Variants in BNC2 observed in about 807,000 individuals in gnomAD.
The protein encoded by BNC2 is basonuclin zinc finger protein 2, also known as zinc finger protein basonuclin-2.
In BNC2, 20 loss-of-function variants were observed where a neutral mutation model predicts 76.3. The observed-to-expected ratio is 0.26, with a 90% confidence interval of 0.18 to 0.38. The LOEUF is 0.38. Ranked by LOEUF, BNC2 falls within the 10% of genes least tolerant of loss-of-function variation. BNC2 has a pLI of 1.00. For synonymous variants in BNC2, 582 were observed against 514.8 expected (o/e 1.13, Z -1.77); for missense variants, 1,382 against 1,399.8 (o/e 0.99, Z 0.20).
chr9:16,539,750 G>GAAGGAAAGGA (rs1563830943), intron 5 of BNC2, among the ~76,000 whole-genome samples: 1 of 84,820 alleles, frequency 1.2e-5, no homozygotes, highest in Non-Finnish European at 2.3e-5. Context: ...GAAGGGAAGG[G>GAAGGAAAGGA]AAGGAAAGGA....
At chr9:16,681,222 A>G (rs1398809518) in intron 3 of BNC2, among the ~76,000 whole-genome samples, 1 of 152,224 alleles carries the variant, frequency 6.6e-6, no homozygotes, top group Non-Finnish European at 1.5e-5. Context: ...AAAATGAAAT[A>G]CTTCAATTAC....
chr9:16,722,705 A>G (rs148108842), intron 3 of BNC2, among the ~76,000 whole-genome samples: 127 of 152,314 alleles, frequency 8.3e-4, no homozygotes, highest in African/African-American at 2.8e-3. Flanking sequence ...TTGTGCACAG[A>G]TTTTTAACAT....
intron 3 of BNC2, among the ~76,000 whole-genome samples, chr9:16,586,756 G>C (rs1010207304): frequency 6.6e-6 from 1 of 152,180 alleles, no homozygotes; most frequent in African/African-American, 2.4e-5. Flanking sequence ...TGCCTCTTAA[G>C]TGGTGGGAAG....
At chr9:16,832,814 C>G (rs1022759617) in intron 1 of BNC2, among the ~76,000 whole-genome samples, 1 of 152,024 alleles carries the variant, frequency 6.6e-6, no homozygotes, top group Non-Finnish European at 1.5e-5. Context: ...CAACCCCCGC[C>G]CACTGGGTTC....
chr9:16,625,224 TA>T (rs1820961208), intron 3 of BNC2, among the ~76,000 whole-genome samples: 1 of 152,216 alleles, frequency 6.6e-6, no homozygotes, highest in South Asian at 2.1e-4. Context: ...TGGATAAAAT[TA>T]ATGTCAGCTT....
intron 5 of BNC2, among the ~76,000 whole-genome samples, chr9:16,541,189 C>T (rs1818309842): frequency 6.6e-6 from 1 of 152,202 alleles, no homozygotes; most frequent in Admixed American, 6.5e-5. Context: ...TAAGAGACCA[C>T]AATTTGAATC....
At chr9:16,593,465 T>C (rs1819987099) in intron 3 of BNC2, among the ~76,000 whole-genome samples, 1 of 152,078 alleles carries the variant, frequency 6.6e-6, no homozygotes, top group African/African-American at 2.4e-5. Context: ...CAGCGGGATA[T>C]AGCCAATTAT....
chr9:16,781,373 C>T (rs1445489583), intron 1 of BNC2, among the ~76,000 whole-genome samples: 1 of 152,040 alleles, frequency 6.6e-6, no homozygotes, highest in Admixed American at 6.6e-5. Flanking sequence ...GATGGAGTCT[C>T]GCTCTGTTGC....
chr9:16,468,086 G>A (rs2131330679), intron 5 of BNC2, among the ~76,000 whole-genome samples: 1 of 147,310 alleles, frequency 6.8e-6, no homozygotes, highest in African/African-American at 2.5e-5. Context: ...TGTCACCCAG[G>A]CTGGAGTGCA....
intron 1 of BNC2, among the ~76,000 whole-genome samples, chr9:16,861,634 A>G (rs1358950396): frequency 6.6e-6 from 1 of 152,168 alleles, no homozygotes; most frequent in African/African-American, 2.4e-5. Context: ...CTTCATAGTC[A>G]CTAGTATGAT....
intron 5 of BNC2, among the ~76,000 whole-genome samples, chr9:16,493,322 A>G (rs1441983773): frequency 2.0e-5 from 3 of 152,122 alleles, no homozygotes; most frequent in Admixed American, 6.5e-5. Flanking sequence ...CTGGCCAACA[A>G]CCTGAAGTTA....
chr9:16,843,491 AC>A lies in BNC2; in HGVS notation c.3+27154del, dbSNP rs778426322. ...TGGGATTACAGGTGCACACTACCACACCCAGCTAATTTCTGTATTTTTAGTA... is the reference window on the plus strand; with the variant it reads ...TGGGATTACAGGTGCACACTACCACACCAGCTAATTTCTGTATTTTTAGTA... On this transcript the variant is annotated intron_variant, in intron 1 of 6. Transcript: ENST00000380672. 3.9e-5 allele frequency among the ~76,000 whole-genome samples: 6 copies of A among 152,072 alleles called. 1 individual carries two copies. Among genetic ancestry groups the A allele is most frequent in the Admixed American group, 2.6e-4 (4 of 15,266 alleles).
At chr9:16,789,701 C>T (rs1214883048) in intron 1 of BNC2, among the ~76,000 whole-genome samples, 1 of 152,154 alleles carries the variant, frequency 6.6e-6, no homozygotes, top group Non-Finnish European at 1.5e-5. Context: ...ATGTATTATA[C>T]ATGTTATAGG....
At chr9:16,681,133 T>C (rs1822808518) in intron 3 of BNC2, among the ~76,000 whole-genome samples, 1 of 152,202 alleles carries the variant, frequency 6.6e-6, no homozygotes, top group Non-Finnish European at 1.5e-5. Flanking sequence ...GCTGAGATGG[T>C]GGCATACTTG....
chr9:16,838,671 T>C lies in BNC2; in HGVS notation c.3+31975A>G, dbSNP rs182596330. On this transcript the variant is annotated intron_variant, in intron 1 of 6. Coordinates refer to ENST00000380672, the MANE Select transcript of BNC2 (RefSeq NM_017637.6). ...ACACTACCACATATGAACTGCATAATGGTAAATCCAGTGTTTTCAGATTCC... is the reference window on the plus strand; with the variant it reads ...ACACTACCACATATGAACTGCATAACGGTAAATCCAGTGTTTTCAGATTCC... 5.6e-3 allele frequency among the ~76,000 whole-genome samples: 858 copies of C among 152,360 alleles called. 42 individuals carry two copies. Among genetic ancestry groups the C allele is most frequent in the Admixed American group, 0.053 (816 of 15,302 alleles).
chr9:16,845,907 T>C (rs1351859904), intron 1 of BNC2, among the ~76,000 whole-genome samples: 1 of 151,950 alleles, frequency 6.6e-6, no homozygotes, highest in Non-Finnish European at 1.5e-5. Context: ...CCCAGCACTT[T>C]GGGAGGCCGA....
chr9:16,695,346 G>C (rs570713216), intron 3 of BNC2, among the ~76,000 whole-genome samples: 2 of 151,540 alleles, frequency 1.3e-5, no homozygotes, highest in East Asian at 1.9e-4. Flanking sequence ...ACCCAGACTG[G>C]GATGCAGTGA....
intron 5 of BNC2, among the ~76,000 whole-genome samples, chr9:16,551,011 C>G (rs1349548292): frequency 6.6e-6 from 1 of 152,070 alleles, no homozygotes; most frequent in Non-Finnish European, 1.5e-5. Context: ...TTTTTCCTGG[C>G]CCCTTCCTCC....
At position 16,436,889 on chromosome 9, in the gene BNC2, G is replaced by A. The variant is rs752325553; in HGVS notation, c.1305C>T (p.Ala435=). Reference sequence around the variant, plus strand: ...TACAGAACACTCTTCCTTTCCTAGAGGCTGACCCCATCCTTCTCATCCGAT... The same window carrying A: ...TACAGAACACTCTTCCTTTCCTAGAAGCTGACCCCATCCTTCTCATCCGAT... The part of the protein sequence containing the change: ...RIHRMRRMGS[A]SRKGRVFCNA... The change falls in exon 6 of 7, where the codon GCC becomes GCT. Residue 435 remains alanine (A), a synonymous_variant. Transcript: ENST00000380672. 8.1e-6 allele frequency: 13 copies of A among 1,614,104 alleles called. No individual in the cohort carries two copies. The East Asian group carries it at 2.7e-4, about 33-fold the overall frequency.
Sources: allele counts gnomAD v4.1 joint callset (sites outside exome capture counted in the v4.1 genomes callset), GRCh38; gene constraint gnomAD v4.1.1; transcripts MANE v1.5; gene names NCBI Gene and HGNC (gene_info 2026-07-23, HGNC 2026-07-21).